ALKBH8: variants seen among roughly 807,000 people sequenced by gnomAD.
ALKBH8 encodes tRNA (carboxymethyluridine(34)-5-O)-methyltransferase ALKBH8.
ALKBH8 carries 36 observed loss-of-function variants against 59.8 expected under a neutral mutation model. The ratio of observed to expected loss-of-function variants is 0.60; its 90% CI spans 0.46 to 0.79. The LOEUF (loss-of-function observed/expected upper bound fraction) is 0.79, where lower values mean the gene tolerates loss of function less well. Ranked by LOEUF, ALKBH8 falls within the 30% of genes least tolerant of loss-of-function variation. The pLI is 0.00. For missense variants in ALKBH8, 768 were observed against 801.0 expected (o/e 0.96, Z 0.50); for synonymous variants, 276 against 273.6 (o/e 1.01, Z -0.09).
chr11:107,559,565 CT>C (rs1591330551), intron 2 of ALKBH8, among the ~76,000 whole-genome samples: 2 of 152,176 alleles, frequency 1.3e-5, no homozygotes, highest in East Asian at 3.9e-4. Flanking sequence ...ACAAGTCACT[CT>C]TGGAAAGTGA....
rs117043950 is a variant in ALKBH8, at chr11:107,526,738, C to T, written c.879-1146G>A. On this transcript the variant is annotated intron_variant, in intron 8 of 11. Coordinates refer to ENST00000428149, the MANE Select transcript of ALKBH8 (RefSeq NM_138775.3). ...TCACATTTACATCTATGATCTACCT[C>T]ACATTAACTTTGTGAATGGTATGAG... is the stretch of plus-strand genomic sequence containing the variant. 6.2e-3 allele frequency among the ~76,000 whole-genome samples: 943 copies of T among 152,060 alleles called. 5 individuals carry two copies. Among genetic ancestry groups the T allele is most frequent in the Non-Finnish European group, 1.0e-2 (675 of 67,836 alleles).
intron 7 of ALKBH8, among the ~76,000 whole-genome samples, chr11:107,542,125 A>G (rs1864061572): frequency 6.6e-6 from 1 of 152,130 alleles, no homozygotes; most frequent in Non-Finnish European, 1.5e-5. Context: ...GTAAATGAAG[A>G]AAGAATGGGG....
At chr11:107,542,240 C>A (rs1827585609) in intron 7 of ALKBH8, among the ~76,000 whole-genome samples, 1 of 151,742 alleles carries the variant, frequency 6.6e-6, no homozygotes, top group Admixed American at 6.6e-5. Context: ...GCAGAATAAA[C>A]AAGCCAATCA....
At chr11:107,557,731 T>G (rs1451336051) in intron 2 of ALKBH8, among the ~76,000 whole-genome samples, 1 of 152,202 alleles carries the variant, frequency 6.6e-6, no homozygotes, top group Non-Finnish European at 1.5e-5. Context: ...CACGATTACT[T>G]CCTGCTGTTT....
intron 7 of ALKBH8, among the ~76,000 whole-genome samples, chr11:107,543,428 G>A (rs1234633654): frequency 1.3e-5 from 2 of 152,206 alleles, no homozygotes; most frequent in Non-Finnish European, 2.9e-5. Flanking sequence ...AGAATGCACA[G>A]GACAATGCTG....
At chr11:107,544,780 A>T (rs1338143444) in intron 7 of ALKBH8, among the ~76,000 whole-genome samples, 4 of 151,870 alleles carry the variant, frequency 2.6e-5, no homozygotes, top group African/African-American at 4.8e-5. Context: ...ATACATATAG[A>T]GCCATACAGA....
chr11:107,508,888 G>A (rs684209), intron 11 of ALKBH8, among the ~76,000 whole-genome samples: 142,371 of 152,266 alleles, frequency 0.94, 66,728 homozygotes, highest in South Asian at 0.97. Flanking sequence ...TACATAGCAT[G>A]TTTTGTTTAT....
intron 9 of ALKBH8, 36 bp downstream of exon 9, chr11:107,525,405 C>T (rs1299327824): frequency 2.0e-6 from 3 of 1,496,082 alleles, no homozygotes; most frequent in African/African-American, 1.5e-5. Flanking sequence ...ATTAAACTGA[C>T]TCCATTTTAC....
chr11:107,514,822 A>AT (rs766724552), intron 10 of ALKBH8, among the ~76,000 whole-genome samples: 1 of 152,136 alleles, frequency 6.6e-6, no homozygotes, highest in Non-Finnish European at 1.5e-5. Context: ...CAACCTGCCT[A>AT]TTAAAAAAAA....
chr11:107,535,033 A>G (rs1863754578), intron 7 of ALKBH8, among the ~76,000 whole-genome samples: 1 of 152,108 alleles, frequency 6.6e-6, no homozygotes, highest in African/African-American at 2.4e-5. Flanking sequence ...GAGTTATTTC[A>G]CTTAGAATAA....
intron 11 of ALKBH8, among the ~76,000 whole-genome samples, chr11:107,505,985 A>C (rs1241623423): frequency 6.6e-6 from 1 of 152,232 alleles, no homozygotes; most frequent in African/African-American, 2.4e-5. Flanking sequence ...AGCATTTGCC[A>C]GTTTCTAAGC....
At chr11:107,534,436 G>A (rs1863725191) in intron 7 of ALKBH8, among the ~76,000 whole-genome samples, 1 of 152,144 alleles carries the variant, frequency 6.6e-6, no homozygotes, top group African/African-American at 2.4e-5. Context: ...AAGGCTACAA[G>A]AGTGAAGAGA....
intron 9 of ALKBH8, among the ~76,000 whole-genome samples, chr11:107,523,241 A>C (rs1323711423): frequency 6.6e-6 from 1 of 152,204 alleles, no homozygotes; most frequent in East Asian, 1.9e-4. Flanking sequence ...GAAAAAGAAA[A>C]TATGGTACAT....
chr11:107,529,076 T>C (rs1863468029), intron 8 of ALKBH8, among the ~76,000 whole-genome samples: 1 of 152,150 alleles, frequency 6.6e-6, no homozygotes, highest in Admixed American at 6.5e-5. Context: ...CATAATATCA[T>C]TGGTAAGAGC....
chr11:107,512,798 G>GCT (rs1862693449), intron 10 of ALKBH8, among the ~76,000 whole-genome samples: 2 of 152,262 alleles, frequency 1.3e-5, no homozygotes, highest in Non-Finnish European at 2.9e-5. Flanking sequence ...CAGCCCTTCT[G>GCT]AGAATAAAGA....
At chr11:107,554,321 C>T (rs1431344711) in intron 3 of ALKBH8, among the ~76,000 whole-genome samples, 2 of 152,050 alleles carry the variant, frequency 1.3e-5, no homozygotes, top group African/African-American at 2.4e-5. Flanking sequence ...ATAATGAATA[C>T]AAGAATTTAA....
Position 107,532,533 on chromosome 11 carries a change from A to G in ALKBH8, c.772-127T>C, listed in dbSNP as rs1042253543. 36 of 704,964 alleles carry G rather than the reference A, an allele frequency of 5.1e-5. No homozygotes were observed. In the Middle Eastern group the frequency reaches 7.8e-4, roughly 15 times the overall value. 43.7% of individuals were successfully genotyped at this position (704,964 alleles called of 1,614,324 possible). A position where few individuals can be genotyped will look rare whatever the true frequency, so the allele number is the denominator to read the frequency against. On this transcript the variant is annotated intron_variant, in intron 7 of 11. Coordinates refer to ENST00000428149, the MANE Select transcript of ALKBH8 (RefSeq NM_138775.3). ...ATTAAAACATAATAATGCTTGCAGA[A>G]AAGCATAGCACAGTGGTTCTCAAAC...
rs774003096 is a variant in ALKBH8 at position 107,556,831 on chromosome 11, T to C, written c.302A>G (p.Asn101Ser). The change falls in exon 3 of 12, where the codon AAT becomes AGT. Residue 101 changes from asparagine to serine, a missense_variant. Asn to Ser is a conservative substitution (Grantham distance 46). Coordinates refer to ENST00000428149, the MANE Select transcript of ALKBH8 (RefSeq NM_138775.3). ...TAAATCATCCACTACTTCTTTTCCA[T>C]TGAGGGTAACATAGGCTCTCTTAGA... ...EESKRAYVTL[N>S]GKEVVDDLGQ... 13 of 1,546,780 alleles carry C rather than the reference T, an allele frequency of 8.4e-6. No individual in the cohort carries two copies. The highest frequency in any genetic ancestry group is 2.8e-5 in the African/African-American group (2 of 71,296).
At chr11:107,563,839 T>C (rs1188161730) in intron 1 of ALKBH8, 3 of 152,234 alleles carry the variant, frequency 2.0e-5, no homozygotes, top group Non-Finnish European at 2.9e-5. Flanking sequence ...AACCACATTT[T>C]TGTCATCCCT....
Sources: gnomAD v4.1 joint callset for allele counts (sites outside exome capture counted in the v4.1 genomes callset) on GRCh38, gnomAD v4.1.1 for gene constraint, MANE v1.5 for transcripts, NCBI Gene and HGNC (gene_info 2026-07-23, HGNC 2026-07-21) for gene names.